Variants in CCDC66 observed in about 807,000 individuals in gnomAD.
CCDC66 encodes coiled-coil domain-containing protein 66.
Under a neutral mutation model 128.3 loss-of-function variants are expected in CCDC66, and 133 were observed. The ratio of observed to expected loss-of-function variants is 1.04; its 90% CI spans 0.90 to 1.20. The LOEUF is 1.20. Ranked by LOEUF, CCDC66 falls within the 50% of genes most tolerant of loss-of-function variation. The pLI is 0.00. For synonymous variants in CCDC66, 387 were observed against 357.0 expected (o/e 1.08, Z -0.95); for missense variants, 1,126 against 1,075.5 (o/e 1.05, Z -0.66).
At chr3:56,620,606 AAC>A (rs1201515789) in intron 17 of CCDC66, 2 of 152,210 alleles carry the variant, frequency 1.3e-5, no homozygotes, top group African/African-American at 4.8e-5. Flanking sequence ...CCCTCTACAG[AAC>A]TAGAAAATTG....
At chr3:56,572,065 C>T (rs2066708462) in intron 7 of CCDC66, among the ~76,000 whole-genome samples, 2 of 152,192 alleles carry the variant, frequency 1.3e-5, no homozygotes, top group Middle Eastern at 3.4e-3. Context: ...TAATTATGAC[C>T]TTAACTGGTC....
intron 4 of CCDC66, among the ~76,000 whole-genome samples, chr3:56,564,392 A>G (rs564947173): frequency 1.1e-4 from 17 of 152,328 alleles, no homozygotes; most frequent in Admixed American, 7.2e-4. Context: ...AACTATTATT[A>G]TACTTATTTT....
chr3:56,610,417 A>G (rs2074633851), intron 10 of CCDC66, among the ~76,000 whole-genome samples: 1 of 152,044 alleles, frequency 6.6e-6, no homozygotes, highest in Non-Finnish European at 1.5e-5. Context: ...AGTTTCCTGA[A>G]TTTTTGGTTT....
At chr3:56,567,517 A>T (rs1450112358) in intron 6 of CCDC66, among the ~76,000 whole-genome samples, 1 of 152,226 alleles carries the variant, frequency 6.6e-6, no homozygotes, top group Non-Finnish European at 1.5e-5. Flanking sequence ...AAGGCATACA[A>T]ATTTATTAAC....
chr3:56,599,195 TTGTC>T (rs774323349), intron 10 of CCDC66, among the ~76,000 whole-genome samples: 14 of 152,182 alleles, frequency 9.2e-5, no homozygotes, highest in South Asian at 2.1e-4. Context: ...ATTTTCTAGT[TTGTC>T]TGTGTGTAGT....
chr3:56,621,655 C>A lies in CCDC66; in HGVS notation c.*37C>A. The stretch of plus-strand genomic sequence containing the variant: ...CAAATCCTTCACATTTGATTTGTGT[C>A]TTCCAAATTATAAAATGTGCTCACT... On this transcript the variant is annotated 3_prime_UTR_variant, in exon 18 of 18. Coordinates refer to ENST00000394672, the MANE Select transcript of CCDC66 (RefSeq NM_001141947.3). 3 of 1,414,336 alleles carry A rather than the reference C, an allele frequency of 2.1e-6. No individual in the cohort carries two copies. Among genetic ancestry groups the A allele is most frequent in the South Asian group, 2.5e-5 (2 of 80,818 alleles). 87.6% of individuals were successfully genotyped at this position (1,414,336 alleles called of 1,614,324 possible). A position where few individuals can be genotyped will look rare whatever the true frequency, so the allele number is the denominator to read the frequency against.
chr3:56,597,777 G>GTTTTTTTTTTTTTTTTTTTTTTTTTTTT lies in CCDC66; in HGVS notation c.1404+3764_1404+3765insTTTTTTTTTTTTTTTTTTTTTTTTTTTT. Among the ~76,000 whole-genome samples, 30 of 87,958 alleles carry GTTTTTTTTTTTTTTTTTTTTTTTTTTTT rather than the reference G, an allele frequency of 3.4e-4. 6 individuals are homozygous for GTTTTTTTTTTTTTTTTTTTTTTTTTTTT. Among genetic ancestry groups the GTTTTTTTTTTTTTTTTTTTTTTTTTTTT allele is most frequent in the African/African-American group, 6.7e-4 (16 of 23,810 alleles). The allele number at this position is 87,958 out of a possible 152,430, so 57.7% of individuals were successfully genotyped here. ...TGTGGAGTCTAGGTTTTGTTTTGGGGTTTTTTTTTTTTTTTGAGACAGAGC... is the reference window on the plus strand; with the variant it reads ...TGTGGAGTCTAGGTTTTGTTTTGGGGTTTTTTTTTTTTTTTTTTTTTTTTTTTTTTTTTTTTTTTTTTTGAGACAGAGC... On this transcript the variant is annotated intron_variant, in intron 10 of 17. Transcript: ENST00000394672.
At position 56,617,111 on chromosome 3, in the gene CCDC66, G is replaced by C. The variant is rs2075623888; in HGVS notation, c.1844-1G>C. 1 of 1,497,626 alleles carries C rather than the reference G, an allele frequency of 6.7e-7. No individual in the cohort carries two copies. The allele number at this position is 1,497,626 out of a possible 1,614,324, so 92.8% of individuals were successfully genotyped here. ...AAAAATCATTTGCAACTTTTTTTTAGATGACTTAAATATAGGAATATTCAC... is the reference window on the plus strand; with the variant it reads ...AAAAATCATTTGCAACTTTTTTTTACATGACTTAAATATAGGAATATTCAC... On this transcript the variant is annotated splice_acceptor_variant, in intron 13 of 17. Coordinates refer to ENST00000394672, the MANE Select transcript of CCDC66 (RefSeq NM_001141947.3). LOFTEE classifies it high-confidence loss of function.
intron 15 of CCDC66, 123 bp downstream of exon 15, chr3:56,618,335 T>G: frequency 1.1e-6 from 1 of 887,776 alleles, no homozygotes; most frequent in Non-Finnish European, 1.8e-6. Context: ...GGGTGTGGCT[T>G]CCAGGTGAGG....
Position 56,565,638 on chromosome 3 carries a change from ATGGAGTCTCGCTCCGTTGCCCAGGC to A in CCDC66, c.545-943_545-919del, listed in dbSNP as rs1259419532. Among the ~76,000 whole-genome samples, 4 of 146,162 alleles carry A rather than the reference ATGGAGTCTCGCTCCGTTGCCCAGGC, an allele frequency of 2.7e-5. No homozygotes were observed. The East Asian group carries it at 6.2e-4, about 23-fold the overall frequency. On this transcript the variant is annotated intron_variant, in intron 4 of 17. Transcript: ENST00000394672. ...TTATTTATTATTATTATTTTTTTAG[ATGGAGTCTCGCTCCGTTGCCCAGGC>A]TGGAGTCTCGCTGCGTCGCCCAGGC...
chr3:56,615,926 T>TA lies in CCDC66; in HGVS notation c.1717dup (p.Thr573AsnfsTer7). The TA allele has an allele frequency of 6.3e-7, 1 of 1,592,592 alleles. No homozygotes were observed. ...CAGGTGATTTCTCTTTGCCAGTTGA[T>TA]ACAATACAAATGGAATATAATGCAT... On this transcript the variant is annotated frameshift_variant, in exon 13 of 18. Transcript: ENST00000394672. LOFTEE classifies it high-confidence loss of function.
chr3:56,584,181 G>T (rs1203035492), intron 7 of CCDC66, among the ~76,000 whole-genome samples: 2 of 140,734 alleles, frequency 1.4e-5, no homozygotes, highest in Admixed American at 7.1e-5. Context: ...CGGGCGGGGC[G>T]GCTGCCGGGC....
chr3:56,584,347 C>CA (rs1353273848), intron 7 of CCDC66, among the ~76,000 whole-genome samples: 8 of 139,100 alleles, frequency 5.8e-5, no homozygotes, highest in Non-Finnish European at 1.2e-4. Flanking sequence ...GGGCGGCTGC[C>CA]GGGTAGAGGG....
chr3:56,612,370 G>A (rs1340246512), intron 10 of CCDC66, among the ~76,000 whole-genome samples: 1 of 152,136 alleles, frequency 6.6e-6, no homozygotes, highest in Middle Eastern at 3.2e-3. Flanking sequence ...GTTGTGAACG[G>A]GGACACCAAA....
Position 56,558,753 on chromosome 3 carries a change from T to C in CCDC66, c.12-93T>C, listed in dbSNP as rs78423405. ...AGATTCCTGCATAAATTCAAAATAA[T>C]GGATTTATTGTCAGGTTCAAATGAA... On this transcript the variant is annotated intron_variant, in intron 1 of 17. Transcript: ENST00000394672. The C allele has an allele frequency of 1.3e-3, 1,145 of 873,686 alleles. 8 individuals are homozygous for C. The African/African-American group carries it at 0.016, about 12-fold the overall frequency. 54.1% of individuals were successfully genotyped at this position (873,686 alleles called of 1,614,324 possible).
intron 13 of CCDC66, chr3:56,616,292 C>T: frequency 7.9e-6 from 3 of 381,722 alleles, no homozygotes; most frequent in Non-Finnish European, 9.4e-6. Context: ...AATTCTAAAA[C>T]ATTTTGATCA....
At chr3:56,579,395 G>A (rs546891038) in intron 7 of CCDC66, among the ~76,000 whole-genome samples, 46 of 151,628 alleles carry the variant, frequency 3.0e-4, no homozygotes, top group Middle Eastern at 3.4e-3. Context: ...AGGGTTTTTT[G>A]TGTCTCTATC....
intron 3 of CCDC66, among the ~76,000 whole-genome samples, chr3:56,560,254 C>G (rs1361678148): frequency 6.6e-6 from 1 of 152,144 alleles, no homozygotes; most frequent in Admixed American, 6.5e-5. Context: ...ATTTTTGAGG[C>G]AGAGTCTCAC....
intron 3 of CCDC66, among the ~76,000 whole-genome samples, chr3:56,562,781 G>C (rs1329981076): frequency 6.6e-6 from 1 of 151,592 alleles, no homozygotes; most frequent in Non-Finnish European, 1.5e-5. Context: ...TGGGATTACA[G>C]GAGCCCACCA....
Sources: allele counts gnomAD v4.1 joint callset (sites outside exome capture counted in the v4.1 genomes callset), GRCh38; gene constraint gnomAD v4.1.1; transcripts MANE v1.5; gene names NCBI Gene and HGNC (gene_info 2026-07-23, HGNC 2026-07-21).